The following PHACTR2 variants were observed in gnomAD, a reference collection of about 807,000 sequenced individuals.
PHACTR2 encodes the protein phosphatase and actin regulator 2.
PHACTR2 carries 30 observed loss-of-function variants against 76.0 expected under a neutral mutation model. That is an observed-to-expected ratio of 0.39 (90% CI 0.30 to 0.54). The LOEUF (loss-of-function observed/expected upper bound fraction) is 0.54. Among genes scored for constraint, PHACTR2 ranks in the 20% least tolerant of loss-of-function variants. The probability of loss-of-function intolerance (pLI) is 0.61; values close to 1 mark genes in which losing one functional copy is unlikely to be tolerated. For missense variants in PHACTR2, 696 were observed against 781.1 expected (o/e 0.89, Z 1.30); for synonymous variants, 292 against 292.5 (o/e 1.00, Z 0.02).
rs372509172 is a variant in PHACTR2 at position 143,765,714 on chromosome 6, A to C, written c.1148A>C (p.Gln383Pro). The C allele has an allele frequency of 6.2e-7, 1 of 1,614,242 alleles. No homozygotes were observed. Among genetic ancestry groups the C allele is most frequent in the African/African-American group, 1.3e-5 (1 of 75,064 alleles). ...DLPVSALDPSQLLWAEEPTNR... is the reference protein window; with the variant it reads ...DLPVSALDPSPLLWAEEPTNR... Reference sequence around the variant, plus strand: ...CCCGTCTCTGCCTTAGACCCAAGTCAGCTTCTTTGGGCTGAAGAGCCGACG... The same window carrying C: ...CCCGTCTCTGCCTTAGACCCAAGTCCGCTTCTTTGGGCTGAAGAGCCGACG... The change falls in exon 6 of 13, where the codon CAG becomes CCG. Residue 383 changes from glutamine to proline, a missense_variant. Transcript: ENST00000440869. The surrounding 1 kb of genome is among the most constrained non-coding windows in gnomAD (Gnocchi z 4.1).
intron 1 of PHACTR2, among the ~76,000 whole-genome samples, chr6:143,555,923 CTT>C (rs11325694): frequency 4.4e-4 from 61 of 138,846 alleles, no homozygotes; most frequent in Non-Finnish European, 4.4e-4. Flanking sequence ...TGACATTTAG[CTT>C]TTTTTTTTTT....
chr6:143,762,308 G>C (rs896380257), intron 5 of PHACTR2, among the ~76,000 whole-genome samples: 1 of 152,166 alleles, frequency 6.6e-6, no homozygotes, highest in Non-Finnish European at 1.5e-5. Context: ...GAAGAAAGCC[G>C]ATGATTAACA....
Position 143,789,981 on chromosome 6 carries a change from G to A in PHACTR2, c.1845+1071G>A, listed in dbSNP as rs780056077. 3.3e-4 allele frequency among the ~76,000 whole-genome samples: 50 copies of A among 152,214 alleles called. No individual in the cohort carries two copies. The highest frequency in any genetic ancestry group is 6.0e-4 in the Non-Finnish European group (41 of 68,042). ...AGAAGAATATTGAGAAGAAATGTCC[G>A]TGAAGTGGGGAAAGAGGAGAAGCTG... On this transcript the variant is annotated intron_variant, in intron 11 of 12. Transcript: ENST00000440869. This position sits in a 1 kb window ranked among gnomAD's most constrained non-coding sequence, Gnocchi z 5.1.
chr6:143,770,925 C>CTT (rs72471881), intron 6 of PHACTR2, among the ~76,000 whole-genome samples: 9 of 119,216 alleles, frequency 7.5e-5, no homozygotes, highest in African/African-American at 1.5e-4. Flanking sequence ...TTCTTTCTTT[C>CTT]TTTTTTTTTT....
At position 143,653,912 on chromosome 6, in the gene PHACTR2, T is replaced by A. The variant is rs13214849; in HGVS notation, c.13+45590T>A. Among the ~76,000 whole-genome samples, 6,483 of 152,248 alleles carry A rather than the reference T, an allele frequency of 0.043. 179 individuals carry two copies. Among genetic ancestry groups the A allele is most frequent in the Middle Eastern group, 0.082 (24 of 294 alleles). ...AAATGTTGTGGCTCAAAGGACACCA[T>A]CTATAAAGTGAAAAGACTACCCAGA... On this transcript the variant is annotated intron_variant, in intron 1 of 11. Transcript: ENST00000305766. This position sits in a 1 kb window ranked among gnomAD's most constrained non-coding sequence, Gnocchi z 4.9.
At position 143,619,953 on chromosome 6, in the gene PHACTR2, C is replaced by T. The variant is rs942743679; in HGVS notation, c.13+11631C>T. Among the ~76,000 whole-genome samples the T allele has an allele frequency of 2.1e-5, 2 of 93,446 alleles. No individual in the cohort carries two copies. The highest frequency in any genetic ancestry group is 2.8e-4 in the South Asian group (1 of 3,548). 61.3% of individuals were successfully genotyped at this position (93,446 alleles called of 152,430 possible). A position where few individuals can be genotyped will look rare whatever the true frequency, so the allele number is the denominator to read the frequency against. ...GTACTTACAGAACATGTCACTCGGT[C>T]GGGGGTGGGGGGTCAGTTCATTTGT... On this transcript the variant is annotated intron_variant, in intron 1 of 11. Transcript: ENST00000305766. This position sits in a 1 kb window ranked among gnomAD's most constrained non-coding sequence, Gnocchi z 4.5.
chr6:143,778,188 C>G (rs1270552989), intron 9 of PHACTR2, among the ~76,000 whole-genome samples: 2 of 152,118 alleles, frequency 1.3e-5, no homozygotes, highest in Non-Finnish European at 2.9e-5. Flanking sequence ...TATCAAAGAA[C>G]AGGGATGGGT....
intron 2 of PHACTR2, among the ~76,000 whole-genome samples, chr6:143,726,646 A>G (rs1042634984): frequency 6.6e-6 from 1 of 152,126 alleles, no homozygotes; most frequent in African/African-American, 2.4e-5. Context: ...AAATCCATTC[A>G]TTGGTCAGTG....
chr6:143,647,731 C>T lies in PHACTR2; in HGVS notation c.13+39409C>T, dbSNP rs1437660043. Among the ~76,000 whole-genome samples the T allele has an allele frequency of 6.6e-6, 1 of 152,070 alleles. No individual in the cohort carries two copies. The highest frequency in any genetic ancestry group is 1.9e-4 in the East Asian group (1 of 5,186). On this transcript the variant is annotated intron_variant, in intron 1 of 11. Transcript: ENST00000305766. This position sits in a 1 kb window ranked among gnomAD's most constrained non-coding sequence, Gnocchi z 4.2. ...TTGCAGATATCTTGGGAGAAGAGCA[C>T]CTGTACAGAAAGAACAGCAAGTGCA...
Position 143,751,645 on chromosome 6 carries a change from A to C in PHACTR2, c.296-2109A>C, listed in dbSNP as rs951401598. ...AACCACTTGTTCCTGTTTGTGCTTT[A>C]TCTCTGTTTTCTTTAAGCTGACAAC... On this transcript the variant is annotated intron_variant, in intron 3 of 12. Coordinates refer to ENST00000440869, the MANE Select transcript of PHACTR2 (RefSeq NM_001100164.2). This position sits in a 1 kb window ranked among gnomAD's most constrained non-coding sequence, Gnocchi z 5.7. 1.3e-5 allele frequency among the ~76,000 whole-genome samples: 2 copies of C among 151,892 alleles called. No individual in the cohort carries two copies. Among genetic ancestry groups the C allele is most frequent in the African/African-American group, 4.8e-5 (2 of 41,344 alleles).
At position 143,780,617 on chromosome 6, in the gene PHACTR2, C is replaced by T. The variant is rs1057085317; in HGVS notation, c.1646-2602C>T. Among the ~76,000 whole-genome samples the T allele has an allele frequency of 5.9e-5, 9 of 152,224 alleles. No individual in the cohort carries two copies. Among genetic ancestry groups the T allele is most frequent in the African/African-American group, 2.2e-4 (9 of 41,466 alleles). ...TATACTTTTCTTTCTTCTTTTAGCT[C>T]ATCCACAAAATTCTCTGGGTAACAT... On this transcript the variant is annotated intron_variant, in intron 9 of 12. Coordinates refer to ENST00000440869, the MANE Select transcript of PHACTR2 (RefSeq NM_001100164.2). The surrounding 1 kb of genome is among the most constrained non-coding windows in gnomAD (Gnocchi z 4.4).
chr6:143,790,792 G>A (rs1319404445), intron 11 of PHACTR2, among the ~76,000 whole-genome samples: 1 of 151,416 alleles, frequency 6.6e-6, no homozygotes, highest in Non-Finnish European at 1.5e-5. Flanking sequence ...TCCTGCTTCA[G>A]CCTCCCGAGT....
chr6:143,686,481 C>CTTTTTTTT lies in PHACTR2; in HGVS notation c.46+8289_46+8296dup, dbSNP rs71024870. Among the ~76,000 whole-genome samples, 50 of 83,986 alleles carry CTTTTTTTT rather than the reference C, an allele frequency of 6.0e-4. 4 individuals carry two copies. Among genetic ancestry groups the CTTTTTTTT allele is most frequent in the East Asian group, 1.7e-3 (4 of 2,400 alleles). The allele number at this position is 83,986 out of a possible 152,430, so 55.1% of individuals were successfully genotyped here. A position where few individuals can be genotyped will look rare whatever the true frequency, so the allele number is the denominator to read the frequency against. The stretch of plus-strand genomic sequence containing the variant: ...ACACATAGAGGAGAGGAACTTCATT[C>CTTTTTTTT]TTTTTTTTTTTTTTTTTTTTTTTTG... On this transcript the variant is annotated intron_variant, in intron 1 of 12. Transcript: ENST00000440869.
At chr6:143,797,580 G>T (rs1363422247) in intron 11 of PHACTR2, among the ~76,000 whole-genome samples, 5 of 152,070 alleles carry the variant, frequency 3.3e-5, no homozygotes, top group African/African-American at 1.2e-4. Flanking sequence ...ATCTTGAGTT[G>T]ATTTTTGTAT....
At chr6:143,593,963 G>GT (rs1339128880) in intron 1 of PHACTR2, among the ~76,000 whole-genome samples, 6 of 152,158 alleles carry the variant, frequency 3.9e-5, no homozygotes, top group Non-Finnish European at 2.9e-5. Flanking sequence ...ACTAGCCCTA[G>GT]TTTTTTAAAA....
chr6:143,788,749 G>C, intron 10 of PHACTR2, 24 bp from the exon 11 acceptor site: 1 of 1,596,182 alleles, frequency 6.3e-7, no homozygotes, highest in Admixed American at 1.7e-5. Context: ...ACTGAACTCT[G>C]CCTTTTTCCT....
At chr6:143,768,351 T>C (rs961080458) in intron 6 of PHACTR2, among the ~76,000 whole-genome samples, 4 of 152,224 alleles carry the variant, frequency 2.6e-5, no homozygotes, top group Non-Finnish European at 5.9e-5. Context: ...GCACCAAGGA[T>C]ACAAAAGTGA....
chr6:143,580,679 TA>T lies in PHACTR2; in HGVS notation c.217+43476del, dbSNP rs992168280. On this transcript the variant is annotated intron_variant, in intron 1 of 11. Coordinates refer to the PHACTR2 transcript ENST00000367584. The surrounding 1 kb of genome is among the most constrained non-coding windows in gnomAD (Gnocchi z 4.2). Reference sequence around the variant, plus strand: ...CAGAGCAAGACTCCGTCTCAAAAAATAAAATAAAATAAAACAATAAAAAATA... The same window carrying T: ...CAGAGCAAGACTCCGTCTCAAAAAATAAATAAAATAAAACAATAAAAAATA... Among the ~76,000 whole-genome samples the T allele has an allele frequency of 1.3e-5, 2 of 151,830 alleles. No homozygotes were observed. Among genetic ancestry groups the T allele is most frequent in the East Asian group, 1.9e-4 (1 of 5,188 alleles).
intron 12 of PHACTR2, among the ~76,000 whole-genome samples, chr6:143,808,949 T>G (rs952989749): frequency 3.9e-5 from 6 of 152,296 alleles, no homozygotes; most frequent in Admixed American, 1.3e-4. Context: ...GAAGTAAAGT[T>G]GATTATTAAA....
Sources: gnomAD v4.1 joint callset for allele counts (sites outside exome capture counted in the v4.1 genomes callset) on GRCh38, gnomAD v4.1.1 for gene constraint, Gnocchi (gnomAD v3.1) non-coding constraint, MANE v1.5 for transcripts, NCBI Gene and HGNC (gene_info 2026-07-23, HGNC 2026-07-21) for gene names.